Variants in UBXN8 observed in about 807,000 individuals in gnomAD.
UBXN8 encodes UBX domain-containing protein 8.
A neutral mutation model predicts 32.1 loss-of-function variants in UBXN8; 27 were observed. The observed-to-expected ratio is 0.84, with a 90% CI of 0.62 to 1.16. The LOEUF is 1.16. Among genes scored for constraint, UBXN8 ranks in the 50% most tolerant of loss-of-function variants. The pLI, the probability that UBXN8 is intolerant of heterozygous loss-of-function variation, is 0.00. For missense variants in UBXN8, 306 were observed against 311.4 expected (o/e 0.98, Z 0.13); for synonymous variants, 109 against 111.8 (o/e 0.98, Z 0.16).
intron 1 of UBXN8, among the ~76,000 whole-genome samples, chr8:30,750,568 C>T (rs1057281320): frequency 7.2e-5 from 11 of 151,728 alleles, no homozygotes; most frequent in South Asian, 2.1e-4. Flanking sequence ...GTCAGGAGAT[C>T]GGGACCATCC....
chr8:30,738,905 G>A (rs910361675), intron 1 of UBXN8, among the ~76,000 whole-genome samples: 1 of 150,922 alleles, frequency 6.6e-6, no homozygotes, highest in Non-Finnish European at 1.5e-5. Context: ...ACAGTGAGCT[G>A]AGATTGTGCT....
At chr8:30,762,240 T>TA (rs913673509) in intron 6 of UBXN8, among the ~76,000 whole-genome samples, 2 of 151,680 alleles carry the variant, frequency 1.3e-5, no homozygotes, top group Admixed American at 1.3e-4. Flanking sequence ...ATTTTTAAAT[T>TA]AAAAAAAAAT....
intron 1 of UBXN8, among the ~76,000 whole-genome samples, chr8:30,745,714 T>A (rs1390235888): frequency 6.6e-6 from 1 of 152,228 alleles, no homozygotes; most frequent in Non-Finnish European, 1.5e-5. Flanking sequence ...GCAATTCACC[T>A]GTTCCCTTGT....
chr8:30,756,920 T>C, intron 5 of UBXN8, 33 bp downstream of exon 5: 1 of 1,612,752 alleles, frequency 6.2e-7, no homozygotes, highest in Admixed American at 1.7e-5. Context: ...TTGAATTGTG[T>C]CTGTGTGCAG....
At chr8:30,754,488 C>T in intron 3 of UBXN8, 177 bp from the exon 4 acceptor site, 1 of 749,466 alleles carries the variant, frequency 1.3e-6, no homozygotes, top group Admixed American at 2.3e-5. Context: ...GCCTGTCCCG[C>T]TTGCTGTCCA....
At chr8:30,763,249 C>A in intron 6 of UBXN8, 24 bp from the exon 7 acceptor site, 1 of 1,611,120 alleles carries the variant, frequency 6.2e-7, no homozygotes, top group Non-Finnish European at 8.5e-7. Flanking sequence ...GATCGGAGTT[C>A]TTATGTGAAT....
chr8:30,757,387 T>C (rs1805690753), intron 5 of UBXN8, among the ~76,000 whole-genome samples: 1 of 151,418 alleles, frequency 6.6e-6, no homozygotes, highest in Non-Finnish European at 1.5e-5. Flanking sequence ...CCATCTCTAC[T>C]AAAAATACAA....
At chr8:30,756,611 T>C (rs1040497085) in intron 4 of UBXN8, among the ~76,000 whole-genome samples, 154 bp from the exon 5 acceptor site, 2 of 152,192 alleles carry the variant, frequency 1.3e-5, no homozygotes, top group Non-Finnish European at 2.9e-5. Flanking sequence ...TCCACGGAGA[T>C]AATGCTTTAA....
intron 5 of UBXN8, among the ~76,000 whole-genome samples, chr8:30,757,786 C>T (rs539151904): frequency 1.5e-5 from 2 of 130,044 alleles, no homozygotes; most frequent in Admixed American, 8.6e-5. Flanking sequence ...TTGAACCCAG[C>T]GGGGTGGAGG....
Position 30,754,647 on chromosome 8 carries a change from ATTTG to A in UBXN8, c.283-15_283-12del. The A allele has an allele frequency of 1.3e-6, 2 of 1,535,988 alleles. No individual in the cohort carries two copies. The highest frequency in any genetic ancestry group is 1.7e-6 in the Non-Finnish European group (2 of 1,153,012). On this transcript the variant is annotated splice_polypyrimidine_tract_variant and intron_variant, in intron 3 of 7. Transcript: ENST00000265616. ...CATTAATGGATAGTAACAACACCTA[ATTTG>A]TTGTTTTCAACAGGCCAGCAGATAC...
At chr8:30,759,228 C>T (rs1239179644) in intron 5 of UBXN8, among the ~76,000 whole-genome samples, 1 of 148,226 alleles carries the variant, frequency 6.7e-6, no homozygotes, top group Non-Finnish European at 1.5e-5. Context: ...GTCTAAATAT[C>T]TGGATTATTT....
upstream of UBXN8, among the ~76,000 whole-genome samples, chr8:30,741,044 CT>C (rs1051336866): frequency 7.2e-5 from 11 of 152,262 alleles, no homozygotes; most frequent in African/African-American, 2.6e-4. Flanking sequence ...TCAAACTATT[CT>C]ACCATGAACT....
intron 5 of UBXN8, among the ~76,000 whole-genome samples, chr8:30,757,516 C>G (rs1805695194): frequency 6.6e-6 from 1 of 151,698 alleles, no homozygotes; most frequent in African/African-American, 2.4e-5. Flanking sequence ...TGCACCATTG[C>G]ACTCCAGCCT....
At chr8:30,740,080 G>GT (rs1384491002), upstream of UBXN8, among the ~76,000 whole-genome samples, 3 of 142,982 alleles carry the variant, frequency 2.1e-5, no homozygotes, top group Admixed American at 2.1e-4. Context: ...TAAAAAATGT[G>GT]TTTTTTTGTA....
intron 1 of UBXN8, among the ~76,000 whole-genome samples, chr8:30,733,587 G>A (rs1411122488): frequency 1.3e-5 from 2 of 152,160 alleles, no homozygotes; most frequent in Admixed American, 1.3e-4. Flanking sequence ...CCGGGCATCA[G>A]TGACAGCCCC....
chr8:30,752,778 T>C (rs1805548626), intron 2 of UBXN8, among the ~76,000 whole-genome samples: 1 of 152,202 alleles, frequency 6.6e-6, no homozygotes, highest in African/African-American at 2.4e-5. Context: ...TTTGTTTCAC[T>C]GTTTATTAAA....
intron 1 of UBXN8, among the ~76,000 whole-genome samples, chr8:30,745,713 C>T (rs1372200008): frequency 6.6e-6 from 1 of 152,194 alleles, no homozygotes; most frequent in African/African-American, 2.4e-5. Flanking sequence ...CGCAATTCAC[C>T]TGTTCCCTTG....
chr8:30,743,343 A>G (rs1805258445), upstream of UBXN8, among the ~76,000 whole-genome samples: 1 of 150,922 alleles, frequency 6.6e-6, no homozygotes, highest in South Asian at 2.1e-4. Context: ...TTTAGTAGAG[A>G]CGGGGTTTCA....
upstream of UBXN8, chr8:30,732,146 G>T (rs1804972774): frequency 3.0e-6 from 1 of 332,262 alleles, no homozygotes; most frequent in Non-Finnish European, 5.4e-6. Context: ...CTTCCCCAAG[G>T]GTTCAAGAAC....
Sources: allele counts gnomAD v4.1 joint callset (sites outside exome capture counted in the v4.1 genomes callset), GRCh38; gene constraint gnomAD v4.1.1; transcripts MANE v1.5; gene names NCBI Gene and HGNC (gene_info 2026-07-23, HGNC 2026-07-21).